The following MZT2B variants were observed in gnomAD, a reference collection of about 807,000 sequenced individuals.
MZT2B encodes the protein mitotic spindle organizing protein 2B.
A neutral mutation model predicts 12.1 loss-of-function variants in MZT2B; 11 were observed. The observed-to-expected ratio is 0.91, with a 90% CI of 0.57 to 1.50. The LOEUF is 1.50. MZT2B is among the 40% of genes most tolerant of loss of function. The pLI is 0.00. For synonymous variants in MZT2B, 85 were observed against 109.5 expected (o/e 0.78, Z 1.40); for missense variants, 209 against 227.7 (o/e 0.92, Z 0.53).
the MZT2B span, chr2:130,196,112 T>G: frequency 5.1e-6 from 8 of 1,570,776 alleles, no homozygotes; most frequent in African/African-American, 9.4e-5. Context: ...TCTCCCACCC[T>G]CTCAGGAAAG....
At chr2:130,183,076 A>G (rs1394062181) in intron 2 of MZT2B, 8 of 531,478 alleles carry the variant, frequency 1.5e-5, no homozygotes, top group Admixed American at 7.1e-5. Context: ...GTCGGGAATC[A>G]AGACAGTTTG....
chr2:130,202,383 C>T, the MZT2B span: 153 of 1,290,692 alleles, frequency 1.2e-4, no homozygotes, highest in Admixed American at 1.3e-3. Context: ...ACAGCAGCTA[C>T]GGGGGCCAGA....
upstream of MZT2B, chr2:130,181,813 C>T (rs2104949746): frequency 1.3e-6 from 2 of 1,544,768 alleles, no homozygotes; most frequent in East Asian, 2.5e-5. Context: ...TTCTCCCCAG[C>T]AAGGAATCCG....
Position 130,190,653 on chromosome 2 carries a change from TGTC to T in MZT2B, c.*28_*30del, listed in dbSNP as rs375251340. ...ATGGGGCAGAGACTTGTTGCATCTT[TGTC>T]CCCAGCAAAGGCTACATGTTACCTC... On this transcript the variant is annotated 3_prime_UTR_variant, in exon 3 of 3. Transcript: ENST00000281871. The T allele has an allele frequency of 5.0e-4, 795 of 1,584,964 alleles. 4 individuals carry two copies. The African/African-American group carries it at 9.7e-3, about 19-fold the overall frequency.
intron 2 of MZT2B, chr2:130,183,653 C>G: frequency 1.4e-6 from 2 of 1,443,196 alleles, no homozygotes; most frequent in Non-Finnish European, 9.5e-7. Context: ...GGAGAGCAGG[C>G]TGCCTTCATG....
the MZT2B span, among the ~76,000 whole-genome samples, chr2:130,202,640 G>T: frequency 1.4e-4 from 22 of 152,176 alleles, no homozygotes; most frequent in African/African-American, 4.8e-4. Context: ...AGCTAGCTGG[G>T]CTTGGCTCCT....
downstream of MZT2B, among the ~76,000 whole-genome samples, chr2:130,192,340 G>A (rs1456598951): frequency 6.6e-6 from 1 of 152,194 alleles, no homozygotes; most frequent in Non-Finnish European, 1.5e-5. Flanking sequence ...ACCCTGGTGG[G>A]ATCCCAAGCT....
chr2:130,194,145 G>T, downstream of MZT2B: 1 of 1,613,988 alleles, frequency 6.2e-7, no homozygotes. Context: ...GACACGATCT[G>T]CCCAATCAGG....
At chr2:130,195,455 TCAGCACGAC>T (rs1690382174), downstream of MZT2B, among the ~76,000 whole-genome samples, 1 of 152,246 alleles carries the variant, frequency 6.6e-6, no homozygotes. Flanking sequence ...GGTATAAATG[TCAGCACGAC>T]CAGTTCCCAG....
upstream of MZT2B, chr2:130,181,738 G>C (rs1047686894): frequency 1.2e-5 from 19 of 1,548,600 alleles, no homozygotes; most frequent in East Asian, 2.4e-5. Flanking sequence ...CAGGAGTGCG[G>C]GGGAGGGAGT....
chr2:130,185,714 A>T (rs1353630970), intron 2 of MZT2B, among the ~76,000 whole-genome samples: 2 of 112,796 alleles, frequency 1.8e-5, no homozygotes, highest in African/African-American at 7.2e-5. Context: ...GTCAAGATGT[A>T]TGTGAGGGTT....
chr2:130,192,103 T>G (rs745413890), downstream of MZT2B: 10 of 1,601,426 alleles, frequency 6.2e-6, no homozygotes, highest in Non-Finnish European at 6.8e-6. Flanking sequence ...GGGACCACTG[T>G]GGGGGGCTGG....
chr2:130,203,335 AC>A, the MZT2B span, among the ~76,000 whole-genome samples: 1 of 152,144 alleles, frequency 6.6e-6, no homozygotes, highest in Non-Finnish European at 1.5e-5. Flanking sequence ...TCTGAGCTGG[AC>A]CCAGAGAGGC....
Position 130,190,691 on chromosome 2 carries a change from A to G in MZT2B, c.*65A>G. On this transcript the variant is annotated 3_prime_UTR_variant, in exon 3 of 3. Transcript: ENST00000281871. ...GGCTACATGTTACCTCCTTCAATTG[A>G]TAATAAACCTTTCTGAGATGCAGAG... 6.5e-7 allele frequency: 1 copy of G among 1,541,598 alleles called. No homozygotes were observed. Among genetic ancestry groups the G allele is most frequent in the East Asian group, 2.3e-5 (1 of 43,472 alleles).
At chr2:130,197,509 G>A in the MZT2B span, among the ~76,000 whole-genome samples, 6,135 of 92,770 alleles carry the variant, frequency 0.066, 346 homozygotes, top group African/African-American at 0.12. Flanking sequence ...AAAAAAAAAA[G>A]AAAAGAAAAG....
chr2:130,186,321 A>G (rs1690062702), intron 2 of MZT2B, among the ~76,000 whole-genome samples: 1 of 152,126 alleles, frequency 6.6e-6, no homozygotes, highest in Non-Finnish European at 1.5e-5. Context: ...TGTGGGGACA[A>G]CCACCACCAG....
intron 2 of MZT2B, among the ~76,000 whole-genome samples, chr2:130,189,496 A>G (rs1354157618): frequency 6.6e-6 from 1 of 152,124 alleles, no homozygotes; most frequent in African/African-American, 2.4e-5. Context: ...CCCAACACTG[A>G]GTCAGGCAGG....
At chr2:130,185,826 T>G (rs572804472) in intron 2 of MZT2B, among the ~76,000 whole-genome samples, 1 of 152,178 alleles carries the variant, frequency 6.6e-6, no homozygotes, top group South Asian at 2.1e-4. Context: ...AGGAGTGGCC[T>G]GGAGTGCTGG....
At chr2:130,188,633 C>G (rs530755407) in intron 2 of MZT2B, among the ~76,000 whole-genome samples, 5 of 152,330 alleles carry the variant, frequency 3.3e-5, no homozygotes, top group African/African-American at 1.2e-4. Context: ...GAGTTCCAAG[C>G]ATGACACCGC....
Sources: allele counts gnomAD v4.1 joint callset (sites outside exome capture counted in the v4.1 genomes callset), GRCh38; gene constraint gnomAD v4.1.1; transcripts MANE v1.5; gene names NCBI Gene and HGNC (gene_info 2026-07-23, HGNC 2026-07-21).